KIF3B: variants seen among roughly 807,000 people sequenced by gnomAD.
KIF3B encodes kinesin-like protein KIF3B.
Under a neutral mutation model 74.3 loss-of-function variants are expected in KIF3B, and 38 were observed. The observed-to-expected ratio is 0.51, with a 90% CI of 0.39 to 0.67. The LOEUF is 0.67. KIF3B is among the 30% of genes least tolerant of loss of function. The pLI, the probability that KIF3B is intolerant of heterozygous loss-of-function variation, is 0.00. For missense variants in KIF3B, 649 were observed against 932.0 expected (o/e 0.70, Z 3.95); for synonymous variants, 326 against 342.5 (o/e 0.95, Z 0.53).
intron 7 of KIF3B, among the ~76,000 whole-genome samples, chr20:32,328,998 C>T (rs1479510903): frequency 1.3e-5 from 2 of 152,168 alleles, no homozygotes. Flanking sequence ...ACCCCTGTCT[C>T]CTGGGTTCAA....
chr20:32,329,563 C>T (rs1330523689), intron 7 of KIF3B, among the ~76,000 whole-genome samples: 1 of 152,066 alleles, frequency 6.6e-6, no homozygotes, highest in Non-Finnish European at 1.5e-5. Flanking sequence ...AATTAAGTTT[C>T]CCCATCTTCT....
chr20:32,278,774 G>A (rs2047627983), intron 1 of KIF3B, among the ~76,000 whole-genome samples: 1 of 152,106 alleles, frequency 6.6e-6, no homozygotes, highest in Non-Finnish European at 1.5e-5. Flanking sequence ...CTATTTACAA[G>A]CATATGATTA....
chr20:32,300,557 G>C (rs1321661479), intron 1 of KIF3B, among the ~76,000 whole-genome samples: 1 of 152,102 alleles, frequency 6.6e-6, no homozygotes, highest in Non-Finnish European at 1.5e-5. Context: ...GGGATTACAG[G>C]CGTGAGCCGC....
intron 5 of KIF3B, among the ~76,000 whole-genome samples, chr20:32,319,264 C>A (rs2047844719): frequency 2.0e-5 from 3 of 150,988 alleles, no homozygotes; most frequent in Non-Finnish European, 4.4e-5. Flanking sequence ...CCCGGCCTCT[C>A]CACATCCTTG....
Position 32,331,127 on chromosome 20 carries a change from A to G in KIF3B, c.2148-96A>G, listed in dbSNP as rs952962945. ...CAGTTGAACTTGTCGTTTTCAGGCC[A>G]TTGAAGAATGGCCTGAAATGAAATG... On this transcript the variant is annotated intron_variant, in intron 8 of 8. Transcript: ENST00000375712. The G allele has an allele frequency of 4.9e-6, 4 of 808,610 alleles. No individual in the cohort carries two copies. The African/African-American group carries it at 7.1e-5, about 14-fold the overall frequency. The allele number at this position is 808,610 out of a possible 1,614,324, so 50.1% of individuals were successfully genotyped here. A position where few individuals can be genotyped will look rare whatever the true frequency, so the allele number is the denominator to read the frequency against.
intron 2 of KIF3B, among the ~76,000 whole-genome samples, chr20:32,315,350 A>C (rs1170940795): frequency 6.6e-6 from 1 of 152,102 alleles, no homozygotes; most frequent in Non-Finnish European, 1.5e-5. Flanking sequence ...CCTATTTTTT[A>C]ACTTCAGCTG....
chr20:32,317,455 A>G (rs1250586726), intron 5 of KIF3B, among the ~76,000 whole-genome samples: 1 of 152,212 alleles, frequency 6.6e-6, no homozygotes, highest in Non-Finnish European at 1.5e-5. Flanking sequence ...GGAATATTTT[A>G]TTAACTTGAC....
At chr20:32,322,383 C>T (rs898635554) in intron 5 of KIF3B, among the ~76,000 whole-genome samples, 11 of 150,810 alleles carry the variant, frequency 7.3e-5, no homozygotes, top group East Asian at 2.0e-4. Context: ...CCCAGGTGGA[C>T]GGATCACCTG....
intron 1 of KIF3B, among the ~76,000 whole-genome samples, chr20:32,299,403 ATTTTT>A (rs11473044): frequency 2.2e-4 from 2 of 9,024 alleles, no homozygotes; most frequent in African/African-American, 1.2e-3. Context: ...ATATATATAT[ATTTTT>A]TTTTTTTTTT....
At chr20:32,286,530 T>C (rs2047668079) in intron 1 of KIF3B, among the ~76,000 whole-genome samples, 2 of 152,208 alleles carry the variant, frequency 1.3e-5, no homozygotes, top group Non-Finnish European at 2.9e-5. Context: ...ATATATGTAA[T>C]GTTTTTCCTT....
chr20:32,319,840 C>T (rs1186497310), intron 5 of KIF3B, among the ~76,000 whole-genome samples: 3 of 151,648 alleles, frequency 2.0e-5, no homozygotes, highest in Non-Finnish European at 4.4e-5. Flanking sequence ...CCTGCCTTGG[C>T]ATCCCAAAGT....
chr20:32,322,378 G>A (rs2047864440), intron 5 of KIF3B, among the ~76,000 whole-genome samples: 1 of 151,088 alleles, frequency 6.6e-6, no homozygotes, highest in African/African-American at 2.4e-5. Flanking sequence ...AGAGGCCCAG[G>A]TGGACGGATC....
chr20:32,309,633 CTATT>C (rs1297090321), intron 1 of KIF3B, 76 bp from the exon 2 acceptor site: 8 of 814,624 alleles, frequency 9.8e-6, no homozygotes, highest in African/African-American at 1.7e-5. Flanking sequence ...AAGATGAAGA[CTATT>C]TAGGTGTGTC....
At chr20:32,325,223 C>G (rs1000213510) in intron 5 of KIF3B, among the ~76,000 whole-genome samples, 5 of 152,050 alleles carry the variant, frequency 3.3e-5, no homozygotes, top group Admixed American at 3.3e-4. Context: ...GAGTATTGCT[C>G]TGTCACCCGG....
chr20:32,331,476 C>T lies in KIF3B; in HGVS notation c.*157C>T, dbSNP rs992995671. 5.1e-6 allele frequency: 3 copies of T among 592,138 alleles called. No individual in the cohort carries two copies. The highest frequency in any genetic ancestry group is 8.8e-6 in the Non-Finnish European group (3 of 341,684). 36.7% of individuals were successfully genotyped at this position (592,138 alleles called of 1,614,324 possible). A position where few individuals can be genotyped will look rare whatever the true frequency, so the allele number is the denominator to read the frequency against. On this transcript the variant is annotated 3_prime_UTR_variant, in exon 9 of 9. Transcript: ENST00000375712. ...GATCAACCAACTTAATCTGGTTGAACGTGCTGTTCCTAATCTGGCACTCAG... is the reference window on the plus strand; with the variant it reads ...GATCAACCAACTTAATCTGGTTGAATGTGCTGTTCCTAATCTGGCACTCAG...
intron 5 of KIF3B, among the ~76,000 whole-genome samples, chr20:32,322,966 T>TTATATATACATA: frequency 9.3e-5 from 2 of 21,576 alleles, no homozygotes; most frequent in Non-Finnish European, 1.3e-4. Context: ...ATATACATAT[T>TTATATATACATA]TATATATATA....
At chr20:32,321,580 G>A (rs565618246) in intron 5 of KIF3B, among the ~76,000 whole-genome samples, 8 of 152,188 alleles carry the variant, frequency 5.3e-5, no homozygotes, top group Non-Finnish European at 1.0e-4. Context: ...TTGAAATCAG[G>A]AAGTGTGAGT....
chr20:32,312,882 C>G (rs1009663570), intron 2 of KIF3B, among the ~76,000 whole-genome samples: 1 of 152,172 alleles, frequency 6.6e-6, no homozygotes, highest in African/African-American at 2.4e-5. Flanking sequence ...TGAAACACCT[C>G]GCAGCAGGGT....
At chr20:32,286,715 A>G (rs2047668747) in intron 1 of KIF3B, among the ~76,000 whole-genome samples, 1 of 152,222 alleles carries the variant, frequency 6.6e-6, no homozygotes, top group African/African-American at 2.4e-5. Context: ...ATACAAATGT[A>G]TTCCTAAATA....
Sources: gnomAD v4.1 joint callset for allele counts (sites outside exome capture counted in the v4.1 genomes callset) on GRCh38, gnomAD v4.1.1 for gene constraint, MANE v1.5 for transcripts, NCBI Gene and HGNC (gene_info 2026-07-23, HGNC 2026-07-21) for gene names.